Variants in PEMT observed in about 807,000 individuals in gnomAD.
PEMT encodes phospholipid methyltransferase.
A neutral mutation model predicts 27.4 loss-of-function variants in PEMT; 23 were observed. The ratio of observed to expected loss-of-function variants is 0.84; its 90% CI spans 0.60 to 1.19. The LOEUF is 1.19. Among genes scored for constraint, PEMT ranks in the 50% most tolerant of loss-of-function variants. The probability of loss-of-function intolerance (pLI) is 0.00; values close to 1 mark genes in which losing one functional copy is unlikely to be tolerated. For missense variants in PEMT, 307 were observed against 310.1 expected (o/e 0.99, Z 0.07); for synonymous variants, 137 against 139.1 (o/e 0.98, Z 0.11).
At chr17:17,583,539 G>A (rs1912086584) in intron 1 of PEMT, among the ~76,000 whole-genome samples, 1 of 152,236 alleles carries the variant, frequency 6.6e-6, no homozygotes, top group South Asian at 2.1e-4. Flanking sequence ...TGAGCTGGGA[G>A]CTTCACCACC....
Position 17,540,286 on chromosome 17 carries a change from C to T in PEMT, c.205-17891G>A, listed in dbSNP as rs140656550. On this transcript the variant is annotated intron_variant, in intron 2 of 6. Transcript: ENST00000255389. ...CCCCAACATGGGGCAATGGCCGGGA[C>T]GAGGAGGGGGCTGCCCCAGGTGGAC... 4.1e-3 allele frequency among the ~76,000 whole-genome samples: 630 copies of T among 152,304 alleles called. 4 individuals are homozygous for T. The highest frequency in any genetic ancestry group is 0.014 in the African/African-American group (587 of 41,562).
intron 2 of PEMT, among the ~76,000 whole-genome samples, chr17:17,540,785 C>G (rs1029427863): frequency 3.9e-5 from 6 of 152,214 alleles, no homozygotes; most frequent in Non-Finnish European, 7.4e-5. Flanking sequence ...GCTCCCCCAC[C>G]TTGGACAGCA....
intron 2 of PEMT, among the ~76,000 whole-genome samples, chr17:17,568,525 A>G (rs190513025): frequency 2.0e-5 from 3 of 152,330 alleles, no homozygotes; most frequent in South Asian, 4.1e-4. Context: ...TCAGAGCTAG[A>G]TGGGGCCTCA....
intron 3 of PEMT, among the ~76,000 whole-genome samples, chr17:17,521,618 G>A (rs1170644610): frequency 3.3e-5 from 5 of 152,142 alleles, no homozygotes; most frequent in Non-Finnish European, 7.4e-5. Context: ...AGGCTGGAGT[G>A]CACTGGTGCA....
intron 1 of PEMT, among the ~76,000 whole-genome samples, chr17:17,590,708 C>A (rs1912544357): frequency 6.6e-6 from 1 of 152,212 alleles, no homozygotes; most frequent in Non-Finnish European, 1.5e-5. Flanking sequence ...CTGCTTGGGG[C>A]AGAGATGTGC....
chr17:17,537,096 C>A (rs1908529061), intron 2 of PEMT, among the ~76,000 whole-genome samples: 1 of 152,210 alleles, frequency 6.6e-6, no homozygotes, highest in African/African-American at 2.4e-5. Context: ...TGGACGATGA[C>A]AATACATTTT....
intron 1 of PEMT, among the ~76,000 whole-genome samples, chr17:17,577,735 C>T (rs954820657): frequency 6.6e-6 from 1 of 151,518 alleles, no homozygotes; most frequent in South Asian, 2.1e-4. Context: ...AGCACTAGGT[C>T]GGCCGGGCGC....
rs552251228 is a variant in PEMT at position 17,543,118 on chromosome 17, G to A, written c.205-20723C>T. ...TCTCAGGCCCTGGCCCGGGCCACTC[G>A]GCCACATTCTGCATCTGCTTCCGAT... On this transcript the variant is annotated intron_variant, in intron 2 of 6. Coordinates refer to ENST00000255389, the MANE Select transcript of PEMT (RefSeq NM_148172.3). 1.1e-3 allele frequency among the ~76,000 whole-genome samples: 166 copies of A among 152,286 alleles called. 3 individuals are homozygous for A. In the South Asian group the frequency reaches 0.025, roughly 23 times the overall value.
In PEMT at chr17:17,589,272, A is replaced by ATTT. The variant is rs573309051; in HGVS notation, c.96+2256_96+2258dup. ...CCACCGTGCCCAGCCCCAACAGCTG[A>ATTT]TTTTTTTTTTTTTTTTTTTAAAAAC... On this transcript the variant is annotated intron_variant, in intron 1 of 6. Coordinates refer to ENST00000255389, the MANE Select transcript of PEMT (RefSeq NM_148172.3). Among the ~76,000 whole-genome samples the ATTT allele has an allele frequency of 3.5e-4, 48 of 138,478 alleles. 1 individual carries two copies. The East Asian group carries it at 4.6e-3, about 13-fold the overall frequency. The allele number at this position is 138,478 out of a possible 152,430, so 90.8% of individuals were successfully genotyped here. A position where few individuals can be genotyped will look rare whatever the true frequency, so the allele number is the denominator to read the frequency against.
intron 3 of PEMT, among the ~76,000 whole-genome samples, chr17:17,514,746 C>G (rs747354878): frequency 3.9e-4 from 60 of 152,270 alleles, no homozygotes; most frequent in Non-Finnish European, 7.3e-4. Context: ...TCTCCCCTGC[C>G]TGGCACCCTC....
chr17:17,554,633 A>C (rs1040055302), intron 2 of PEMT, among the ~76,000 whole-genome samples: 5 of 151,790 alleles, frequency 3.3e-5, no homozygotes, highest in Non-Finnish European at 7.4e-5. Context: ...TAATTTTTTG[A>C]GACAGAGTGT....
At chr17:17,550,114 G>A (rs1405033642) in intron 2 of PEMT, among the ~76,000 whole-genome samples, 3 of 152,262 alleles carry the variant, frequency 2.0e-5, no homozygotes, top group East Asian at 1.9e-4. Flanking sequence ...CTCTCTCCTC[G>A]CCAGTACAGC....
chr17:17,519,851 G>T (rs936282396), intron 3 of PEMT, among the ~76,000 whole-genome samples: 1 of 152,218 alleles, frequency 6.6e-6, no homozygotes, highest in Non-Finnish European at 1.5e-5. Flanking sequence ...CTGGCAGGAG[G>T]GGCTCCATCA....
At chr17:17,583,016 C>A (rs534528159) in intron 1 of PEMT, among the ~76,000 whole-genome samples, 4 of 150,946 alleles carry the variant, frequency 2.6e-5, no homozygotes, top group Admixed American at 2.0e-4. Context: ...GAGCCGAGAT[C>A]ATGCCACTGC....
At chr17:17,532,311 T>C (rs1357077370) in intron 2 of PEMT, among the ~76,000 whole-genome samples, 4 of 152,098 alleles carry the variant, frequency 2.6e-5, no homozygotes, top group African/African-American at 9.7e-5. Context: ...AGGAATCCAC[T>C]AAAAAAATTT....
intron 1 of PEMT, among the ~76,000 whole-genome samples, chr17:17,585,857 C>T (rs1912214349): frequency 1.3e-5 from 2 of 151,704 alleles, no homozygotes; most frequent in Non-Finnish European, 2.9e-5. Flanking sequence ...CTGAGGCGGG[C>T]GTATCATGAA....
At position 17,512,277 on chromosome 17, in the gene PEMT, A is replaced by C. The variant is rs1483685301; in HGVS notation, c.466+232T>G. On this transcript the variant is annotated intron_variant, in intron 4 of 6. Coordinates refer to ENST00000255389, the MANE Select transcript of PEMT (RefSeq NM_148172.3). The surrounding 1 kb of genome is among the most constrained non-coding windows in gnomAD (Gnocchi z 6.3). ...GAGAGAAGCAGCAGGAGCTGCCTTC[A>C]CTCCCCAGGAGGCAGCCGCTCAGCA... Among the ~76,000 whole-genome samples the C allele has an allele frequency of 6.6e-6, 1 of 152,112 alleles. No homozygotes were observed. Among genetic ancestry groups the C allele is most frequent in the Non-Finnish European group, 1.5e-5 (1 of 68,010 alleles).
chr17:17,581,477 G>C (rs1911975627), intron 1 of PEMT, among the ~76,000 whole-genome samples: 1 of 152,206 alleles, frequency 6.6e-6, no homozygotes, highest in Non-Finnish European at 1.5e-5. Context: ...AATGGGACAA[G>C]GATAAAAGTG....
Position 17,512,084 on chromosome 17 carries a change from C to T in PEMT, c.466+425G>A, listed in dbSNP as rs769220315. Among the ~76,000 whole-genome samples, 26 of 152,186 alleles carry T rather than the reference C, an allele frequency of 1.7e-4. No individual in the cohort carries two copies. The highest frequency in any genetic ancestry group is 2.1e-4 in the Non-Finnish European group (14 of 68,030). On this transcript the variant is annotated intron_variant, in intron 4 of 6. Coordinates refer to ENST00000255389, the MANE Select transcript of PEMT (RefSeq NM_148172.3). The surrounding 1 kb of genome is among the most constrained non-coding windows in gnomAD (Gnocchi z 6.3). ...AATCCTGCCTGGCCTGAGAGCCACGCGTGCCGGGAGCTGCCAGAGAGGTGG... is the reference window on the plus strand; with the variant it reads ...AATCCTGCCTGGCCTGAGAGCCACGTGTGCCGGGAGCTGCCAGAGAGGTGG...
Sources: gnomAD v4.1 joint callset for allele counts (sites outside exome capture counted in the v4.1 genomes callset) on GRCh38, gnomAD v4.1.1 for gene constraint, Gnocchi (gnomAD v3.1) non-coding constraint, MANE v1.5 for transcripts, NCBI Gene and HGNC (gene_info 2026-07-23, HGNC 2026-07-21) for gene names.